The following CRADD variants were observed in gnomAD, a reference collection of about 807,000 sequenced individuals.
CRADD encodes CARD and death domain containing adaptor protein.
CRADD carries 9 observed loss-of-function variants against 15.5 expected under a neutral mutation model. The ratio of observed to expected loss-of-function variants is 0.58; its 90% CI spans 0.35 to 1.01. CRADD has a LOEUF of 1.01. Among genes scored for constraint, CRADD ranks in the 50% least tolerant of loss-of-function variants. CRADD has a pLI of 0.02. For synonymous variants in CRADD, 118 were observed against 107.6 expected (o/e 1.10, Z -0.60); for missense variants, 227 against 250.3 (o/e 0.91, Z 0.63).
rs142177782 is a variant in CRADD, at chr12:93,691,587, C to G, written c.298+12515C>G. On this transcript the variant is annotated intron_variant, in intron 2 of 2. Transcript: ENST00000332896. ...GAATTTTTAACTGGTGAAAAGCAAA[C>G]CATGGTTAACCACTAAATGGGGTAA... 2.2e-3 allele frequency among the ~76,000 whole-genome samples: 332 copies of G among 152,212 alleles called. 4 individuals are homozygous for G. Among genetic ancestry groups the G allele is most frequent in the African/African-American group, 7.6e-3 (314 of 41,516 alleles).
intron 2 of CRADD, among the ~76,000 whole-genome samples, chr12:93,793,014 T>C (rs1957367226): frequency 6.6e-6 from 1 of 152,218 alleles, no homozygotes; most frequent in African/African-American, 2.4e-5. Flanking sequence ...GCAAATTTCT[T>C]AATAGTCACA....
At chr12:93,803,538 G>A (rs946197287) in intron 2 of CRADD, among the ~76,000 whole-genome samples, 6 of 152,024 alleles carry the variant, frequency 3.9e-5, no homozygotes, top group South Asian at 2.1e-4. Context: ...GGCATTAAGC[G>A]TCTTTAAAAA....
At chr12:93,809,803 C>T (rs985332024) in intron 2 of CRADD, among the ~76,000 whole-genome samples, 1 of 152,168 alleles carries the variant, frequency 6.6e-6, no homozygotes, top group Admixed American at 6.5e-5. Context: ...AATCCATAGC[C>T]CTCCCTTGGT....
intron 2 of CRADD, among the ~76,000 whole-genome samples, chr12:93,857,054 T>C (rs1361046077): frequency 2.0e-5 from 3 of 152,074 alleles, no homozygotes; most frequent in Non-Finnish European, 4.4e-5. Context: ...ATTAAACTTA[T>C]GCAAAATATA....
At chr12:93,878,621 G>A (rs895192218) in intron 2 of CRADD, among the ~76,000 whole-genome samples, 5 of 152,054 alleles carry the variant, frequency 3.3e-5, no homozygotes, top group Non-Finnish European at 7.4e-5. Flanking sequence ...GAAACACAGC[G>A]CTATAGCCCA....
downstream of CRADD, among the ~76,000 whole-genome samples, chr12:93,853,901 G>C (rs748212079): frequency 6.6e-6 from 1 of 152,164 alleles, no homozygotes; most frequent in Non-Finnish European, 1.5e-5. Context: ...CCACTTCCCT[G>C]CGTGGATCTT....
rs1217279106 is a variant in CRADD, at chr12:93,805,476, AT to A, written c.299-44487del. On this transcript the variant is annotated intron_variant, in intron 2 of 2. Coordinates refer to ENST00000332896, the MANE Select transcript of CRADD (RefSeq NM_003805.5). ...TTATACTCAGTTTTTCTTTTTCTTT[AT>A]TTTTTTGAGCCAGTCCTCCGAGCCT... 2.6e-5 allele frequency among the ~76,000 whole-genome samples: 4 copies of A among 151,502 alleles called. 1 individual carries two copies. Among genetic ancestry groups the A allele is most frequent in the Admixed American group, 2.0e-4 (3 of 15,154 alleles).
intron 2 of CRADD, among the ~76,000 whole-genome samples, chr12:93,738,834 GGAAA>G (rs1381526318): frequency 7.8e-6 from 1 of 128,092 alleles, no homozygotes; most frequent in Admixed American, 7.9e-5. Context: ...AAAGAAAGAA[GGAAA>G]GAGAGGGAGA....
chr12:93,745,170 G>A (rs1048168441), intron 2 of CRADD, among the ~76,000 whole-genome samples: 5 of 152,082 alleles, frequency 3.3e-5, no homozygotes, highest in African/African-American at 9.7e-5. Context: ...TGACGGGAGG[G>A]CACACTTGCT....
At position 93,868,429 on chromosome 12, in the gene CRADD, C is replaced by T. The variant is rs746610987; in HGVS notation, c.299-25621C>T. Among the ~76,000 whole-genome samples the T allele has an allele frequency of 2.6e-5, 4 of 152,120 alleles. No homozygotes were observed. The South Asian group carries it at 8.3e-4, about 32-fold the overall frequency. ...TTTATAATTTATCCTTGTTTTACAG[C>T]CTTATTATTGAATACTTGGAACACC... On this transcript the variant is annotated intron_variant, in intron 2 of 2. Coordinates refer to the CRADD transcript ENST00000548483.
chr12:93,750,978 A>T (rs1956822145), intron 2 of CRADD, among the ~76,000 whole-genome samples: 1 of 152,186 alleles, frequency 6.6e-6, no homozygotes, highest in Non-Finnish European at 1.5e-5. Context: ...ATCTTAGTTA[A>T]TTTTAGGCCA....
intron 2 of CRADD, among the ~76,000 whole-genome samples, chr12:93,745,391 A>G (rs1252568332): frequency 6.6e-6 from 1 of 152,232 alleles, no homozygotes; most frequent in Non-Finnish European, 1.5e-5. Context: ...GGGGAGTTTT[A>G]TGAATACTCT....
At chr12:93,693,209 A>T (rs867755239) in intron 2 of CRADD, among the ~76,000 whole-genome samples, 8 of 152,174 alleles carry the variant, frequency 5.3e-5, no homozygotes, top group Non-Finnish European at 1.0e-4. Flanking sequence ...ACCAGGAAAC[A>T]GTTAACGAAA....
At chr12:93,872,092 A>C (rs1442492446) in intron 2 of CRADD, among the ~76,000 whole-genome samples, 1 of 152,018 alleles carries the variant, frequency 6.6e-6, no homozygotes, top group Non-Finnish European at 1.5e-5. Flanking sequence ...TGTCTTTTGG[A>C]TATAAGCCAT....
intron 2 of CRADD, among the ~76,000 whole-genome samples, chr12:93,680,888 ATT>A (rs879875186): frequency 6.9e-6 from 1 of 144,924 alleles, no homozygotes. Flanking sequence ...GTATAATACC[ATT>A]TTTTTTTTTT....
At chr12:93,867,297 G>A (rs1289447452) in intron 2 of CRADD, among the ~76,000 whole-genome samples, 1 of 149,960 alleles carries the variant, frequency 6.7e-6, no homozygotes, top group Non-Finnish European at 1.5e-5. Context: ...TCCTCCTTCG[G>A]TTTCCTTCCT....
chr12:93,731,318 T>A (rs1353460339), intron 2 of CRADD, among the ~76,000 whole-genome samples: 1 of 152,266 alleles, frequency 6.6e-6, no homozygotes, highest in Non-Finnish European at 1.5e-5. Context: ...CATCTCAACT[T>A]GAAGATTAAG....
intron 2 of CRADD, among the ~76,000 whole-genome samples, chr12:93,857,671 G>A (rs1296861373): frequency 6.6e-6 from 1 of 152,200 alleles, no homozygotes. Context: ...CTGGGCATGT[G>A]GTGGAAGCCT....
intron 2 of CRADD, among the ~76,000 whole-genome samples, chr12:93,725,079 C>G (rs2136897902): frequency 6.6e-6 from 1 of 152,212 alleles, no homozygotes; most frequent in East Asian, 1.9e-4. Context: ...CCAGGATGGT[C>G]TCGATCTCCT....
Sources: allele counts gnomAD v4.1 joint callset (sites outside exome capture counted in the v4.1 genomes callset), GRCh38; gene constraint gnomAD v4.1.1; transcripts MANE v1.5; gene names NCBI Gene and HGNC (gene_info 2026-07-23, HGNC 2026-07-21).